The following ATP6V1C2 variants were observed in gnomAD, a reference collection of about 807,000 sequenced individuals.
The protein encoded by ATP6V1C2 is V-type proton ATPase subunit C 2.
In ATP6V1C2, 45 loss-of-function variants were observed where a neutral mutation model predicts 56.8. The observed-to-expected ratio is 0.79, with a 90% CI of 0.62 to 1.02. The LOEUF (loss-of-function observed/expected upper bound fraction) is 1.02. ATP6V1C2 is among the 50% of genes least tolerant of loss of function. The pLI, the probability that ATP6V1C2 is intolerant of heterozygous loss-of-function variation, is 0.00. For missense variants in ATP6V1C2, 463 were observed against 519.7 expected, an observed-to-expected ratio of 0.89 and a Z score of 1.06; for synonymous variants, 220 against 201.3, an observed-to-expected ratio of 1.09 and a Z score of -0.79.
intron 2 of ATP6V1C2, among the ~76,000 whole-genome samples, chr2:10,724,271 C>T (rs1661519664): frequency 6.6e-6 from 1 of 152,174 alleles, no homozygotes; most frequent in Non-Finnish European, 1.5e-5. Context: ...AAACAGCTGC[C>T]CCATCAGCTA....
chr2:10,746,527 C>T (rs913126442), intron 3 of ATP6V1C2, among the ~76,000 whole-genome samples: 1 of 151,966 alleles, frequency 6.6e-6, no homozygotes, highest in African/African-American at 2.4e-5. Context: ...ATTCTCGTGC[C>T]TCAGCCTCCG....
chr2:10,760,757 T>C (rs1663862760), intron 4 of ATP6V1C2, among the ~76,000 whole-genome samples: 1 of 152,194 alleles, frequency 6.6e-6, no homozygotes, highest in Non-Finnish European at 1.5e-5. Flanking sequence ...GGGTTCAGTC[T>C]TGGAGGAGTT....
At chr2:10,728,600 C>T (rs927785136) in intron 3 of ATP6V1C2, among the ~76,000 whole-genome samples, 4 of 151,756 alleles carry the variant, frequency 2.6e-5, no homozygotes, top group Admixed American at 1.3e-4. Context: ...CATAGCAAAA[C>T]CTCATCTCTA....
intron 3 of ATP6V1C2, 65 bp from the exon 4 acceptor site, chr2:10,753,916 G>A: frequency 1.1e-5 from 15 of 1,413,016 alleles, no homozygotes; most frequent in Non-Finnish European, 1.5e-5. Flanking sequence ...CCTGCCAGCA[G>A]CATGTGACAG....
chr2:10,748,861 G>A (rs991111457), intron 3 of ATP6V1C2, among the ~76,000 whole-genome samples: 5 of 151,988 alleles, frequency 3.3e-5, no homozygotes, highest in African/African-American at 1.2e-4. Flanking sequence ...TGGACACGGT[G>A]GCACATGCCT....
intron 10 of ATP6V1C2, 74 bp downstream of exon 10, chr2:10,775,145 C>T (rs1005613749): frequency 9.0e-7 from 1 of 1,108,566 alleles, no homozygotes; most frequent in South Asian, 1.3e-5. Context: ...CCCAGGTCTC[C>T]AGCTCTCCCT....
At chr2:10,753,915 A>G in intron 3 of ATP6V1C2, 66 bp from the exon 4 acceptor site, 1 of 1,405,920 alleles carries the variant, frequency 7.1e-7, no homozygotes, top group Non-Finnish European at 9.9e-7. Flanking sequence ...TCCTGCCAGC[A>G]GCATGTGACA....
At position 10,784,875 on chromosome 2, in the gene ATP6V1C2, C is replaced by A; in HGVS notation, c.*1612C>A. Reference sequence around the variant, plus strand: ...ACTTGACTCCAGGTGCAGAGATGCACAGGCTCAAGAGAGTAAACCAGGACT... The same window carrying A: ...ACTTGACTCCAGGTGCAGAGATGCAAAGGCTCAAGAGAGTAAACCAGGACT... On this transcript the variant is annotated 3_prime_UTR_variant, in exon 14 of 14. Transcript: ENST00000272238. 8.0e-7 allele frequency: 1 copy of A among 1,256,594 alleles called. No individual in the cohort carries two copies. Among genetic ancestry groups the A allele is most frequent in the Non-Finnish European group, 1.1e-6 (1 of 878,274 alleles). The allele number at this position is 1,256,594 out of a possible 1,614,324, so 77.8% of individuals were successfully genotyped here.
chr2:10,775,535 G>A (rs916213059), intron 10 of ATP6V1C2, among the ~76,000 whole-genome samples: 2 of 152,168 alleles, frequency 1.3e-5, no homozygotes, highest in African/African-American at 2.4e-5. Flanking sequence ...TTTCCAGGGC[G>A]CCACTAGCCC....
intron 13 of ATP6V1C2, 66 bp downstream of exon 13, chr2:10,782,441 T>C: frequency 6.4e-7 from 1 of 1,571,000 alleles, no homozygotes; most frequent in Non-Finnish European, 8.7e-7. Flanking sequence ...AAAACTGGTA[T>C]CTGCCTGTAA....
At position 10,784,271 on chromosome 2, in the gene ATP6V1C2, T is replaced by C. The variant is rs144025817; in HGVS notation, c.*1008T>C. 1.8e-4 allele frequency: 289 copies of C among 1,613,114 alleles called. 2 individuals carry two copies. In the African/African-American group the frequency reaches 2.7e-3, roughly 15 times the overall value. On this transcript the variant is annotated 3_prime_UTR_variant, in exon 14 of 14. Coordinates refer to ENST00000272238, the MANE Select transcript of ATP6V1C2 (RefSeq NM_001039362.2). The stretch of plus-strand genomic sequence containing the variant: ...CTGTTGTGGCTCTCACAACTCATCT[T>C]TCCCTAAGTCATCAAGCTCCACATC...
chr2:10,740,652 AG>A (rs1433050699), intron 3 of ATP6V1C2, among the ~76,000 whole-genome samples: 3 of 152,152 alleles, frequency 2.0e-5, no homozygotes, highest in Non-Finnish European at 2.9e-5. Context: ...AGCTGAGTTC[AG>A]GTCCTCCTTA....
Position 10,783,289 on chromosome 2 carries a change from A to G in ATP6V1C2, c.*26A>G. 1 of 1,487,220 alleles carries G rather than the reference A, an allele frequency of 6.7e-7. No homozygotes were observed. The highest frequency in any genetic ancestry group is 9.4e-7 in the Non-Finnish European group (1 of 1,064,962). The allele number at this position is 1,487,220 out of a possible 1,614,324, so 92.1% of individuals were successfully genotyped here. A position where few individuals can be genotyped will look rare whatever the true frequency, so the allele number is the denominator to read the frequency against. On this transcript the variant is annotated 3_prime_UTR_variant, in exon 14 of 14. Transcript: ENST00000272238. Reference sequence around the variant, plus strand: ...AAAGGCCAGCTGGCACCTCTGTCTCATGTTCGTGCAGATTATTACAGACAC... The same window carrying G: ...AAAGGCCAGCTGGCACCTCTGTCTCGTGTTCGTGCAGATTATTACAGACAC...
At chr2:10,773,998 A>T (rs550267293) in intron 8 of ATP6V1C2, among the ~76,000 whole-genome samples, 4 of 152,346 alleles carry the variant, frequency 2.6e-5, no homozygotes, top group African/African-American at 9.6e-5. Flanking sequence ...TGGCAGGAGC[A>T]TTCACTGCTC....
At chr2:10,764,250 TGCTTG>T in intron 4 of ATP6V1C2, 76 bp from the exon 5 acceptor site, 1 of 1,281,358 alleles carries the variant, frequency 7.8e-7, no homozygotes, top group Non-Finnish European at 1.1e-6. Context: ...TCCACGCTGA[TGCTTG>T]GCTTGGGATT....
intron 3 of ATP6V1C2, among the ~76,000 whole-genome samples, chr2:10,738,239 G>A (rs1211846777): frequency 6.6e-6 from 1 of 152,154 alleles, no homozygotes. Flanking sequence ...CTTGCTCTGT[G>A]GTAGGCCCCT....
chr2:10,728,865 G>C (rs994884581), intron 3 of ATP6V1C2, among the ~76,000 whole-genome samples: 5 of 151,224 alleles, frequency 3.3e-5, no homozygotes, highest in Admixed American at 6.6e-5. Context: ...TGGGCCAGGC[G>C]TGGTGGCTCA....
In ATP6V1C2 at chr2:10,771,845, C is replaced by T. The variant is rs745942105; in HGVS notation, c.477C>T (p.Asn159=). The T allele has an allele frequency of 1.2e-6, 2 of 1,613,800 alleles. No homozygotes were observed. Among genetic ancestry groups the T allele is most frequent in the Admixed American group, 1.7e-5 (1 of 60,006 alleles). ...TGTTCCACCTGCCTTTTAGGGGGAA[C>T]CTCTTCACCCGGACACTGAGTGATA... ...LENLEKKSMG[N]LFTRTLSDIV... Residue 159 remains asparagine (N), a synonymous_variant, in exon 7 of 14, where the codon AAC becomes AAT. Transcript: ENST00000272238.
intron 3 of ATP6V1C2, among the ~76,000 whole-genome samples, chr2:10,752,044 A>G (rs887066627): frequency 1.3e-5 from 2 of 152,100 alleles, no homozygotes; most frequent in Non-Finnish European, 2.9e-5. Context: ...TACCTGGGTG[A>G]CAGAGTGACA....
Sources: gnomAD v4.1 joint callset for allele counts (sites outside exome capture counted in the v4.1 genomes callset) on GRCh38, gnomAD v4.1.1 for gene constraint, MANE v1.5 for transcripts, NCBI Gene and HGNC (gene_info 2026-07-23, HGNC 2026-07-21) for gene names.